Variants in CCT3 observed in about 807,000 individuals in gnomAD.
CCT3 encodes chaperonin containing TCP1 subunit 3.
CCT3 carries 10 observed loss-of-function variants against 65.3 expected under a neutral mutation model. The ratio of observed to expected loss-of-function variants is 0.15; its 90% confidence interval spans 0.09 to 0.26. The LOEUF is 0.26. Among genes scored for constraint, CCT3 ranks in the 10% least tolerant of loss-of-function variants. The pLI is 1.00. For missense variants in CCT3, 626 were observed against 708.7 expected (o/e 0.88, Z 1.33); for synonymous variants, 225 against 242.3 (o/e 0.93, Z 0.66).
chr1:156,336,331 G>C (rs959620803), intron 1 of CCT3, among the ~76,000 whole-genome samples: 4 of 91,120 alleles, frequency 4.4e-5, no homozygotes, highest in Non-Finnish European at 1.2e-4. Flanking sequence ...GATTCTCAAA[G>C]GGCTGGTGAC....
Position 156,309,071 on chromosome 1 carries a change from A to G in CCT3, c.*128T>C. The G allele has an allele frequency of 1.5e-6, 1 of 664,040 alleles. No individual in the cohort carries two copies. The highest frequency in any genetic ancestry group is 2.5e-5 in the East Asian group (1 of 39,602). 41.1% of individuals were successfully genotyped at this position (664,040 alleles called of 1,614,324 possible). Reference sequence around the variant, plus strand: ...TTTGGAAAACTGAGCTGGGACAGAAAGGGACTGGGGGCTGCCCCCCAACCT... The same window carrying G: ...TTTGGAAAACTGAGCTGGGACAGAAGGGGACTGGGGGCTGCCCCCCAACCT... On this transcript the variant is annotated 3_prime_UTR_variant, in exon 14 of 14. Coordinates refer to ENST00000295688, the MANE Select transcript of CCT3 (RefSeq NM_005998.5).
At chr1:156,317,329 C>G (rs537075161) in intron 9 of CCT3, 82 bp from the exon 10 acceptor site, 11 of 1,592,664 alleles carry the variant, frequency 6.9e-6, no homozygotes, top group Non-Finnish European at 7.7e-6. Flanking sequence ...GACACTATTA[C>G]GCCCCTGCCA....
At chr1:156,330,591 G>A (rs1274945816) in intron 5 of CCT3, among the ~76,000 whole-genome samples, 2 of 152,182 alleles carry the variant, frequency 1.3e-5, no homozygotes, top group Admixed American at 6.5e-5. Context: ...GAGCCCAGGA[G>A]GCAGAGGTTG....
At chr1:156,332,811 T>C (rs1665159879) in intron 5 of CCT3, 1 of 152,224 alleles carries the variant, frequency 6.6e-6, no homozygotes, top group Non-Finnish European at 1.5e-5. Context: ...TGTCCAGGCA[T>C]GAGTTATATT....
chr1:156,312,017 G>A (rs747499885), intron 11 of CCT3, 24 bp downstream of exon 11: 1 of 1,585,540 alleles, frequency 6.3e-7, no homozygotes, highest in Admixed American at 1.8e-5. Flanking sequence ...ACTTCATCTG[G>A]TCATACATCC....
rs546373020 is a variant in CCT3, at chr1:156,328,387, T to C, written c.305-3298A>G. On this transcript the variant is annotated intron_variant, in intron 5 of 13. Coordinates refer to ENST00000295688, the MANE Select transcript of CCT3 (RefSeq NM_005998.5). ...ACAGCTCATTGAGAACGGGCCATGA[T>C]GACAATGGCGGTTTTGTGGAATAGA... is the stretch of plus-strand genomic sequence containing the variant. 5.3e-3 allele frequency among the ~76,000 whole-genome samples: 809 copies of C among 152,174 alleles called. 20 individuals carry two copies. Among genetic ancestry groups the C allele is most frequent in the Admixed American group, 0.047 (723 of 15,260 alleles).
At chr1:156,335,995 C>G in intron 1 of CCT3, 107 bp from the exon 2 acceptor site, 1 of 814,946 alleles carries the variant, frequency 1.2e-6, no homozygotes, top group Admixed American at 2.2e-5. Context: ...CATGGTATAT[C>G]CACAGAGCAA....
intron 5 of CCT3, among the ~76,000 whole-genome samples, chr1:156,326,070 C>T (rs1437463889): frequency 6.6e-6 from 1 of 152,142 alleles, no homozygotes; most frequent in Non-Finnish European, 1.5e-5. Context: ...CGGTAGCTCA[C>T]ACCTGTAATC....
intron 10 of CCT3, among the ~76,000 whole-genome samples, chr1:156,313,320 C>G (rs1474071345): frequency 8.8e-5 from 10 of 113,050 alleles, no homozygotes. Flanking sequence ...GCCTGGGTGA[C>G]AGAGTAAGAT....
At position 156,338,171 on chromosome 1, in the gene CCT3, C is replaced by A. The variant is rs372914739; in HGVS notation, c.14G>T (p.Arg5Leu). Reference protein sequence around the residue: MMGHRPVLVLSQNTK... With the variant: MMGHLPVLVLSQNTK... ...GAACTCACTGAGCACGAGCACTGGA[C>A]GATGGCCCATCATGGCGACGCGATG... Residue 5 changes from arginine to leucine, a missense_variant, in exon 1 of 14, where the codon CGT becomes CTT. Transcript: ENST00000295688. 1.3e-6 allele frequency: 2 copies of A among 1,589,198 alleles called. No homozygotes were observed. Among genetic ancestry groups the A allele is most frequent in the Admixed American group, 3.7e-5 (2 of 54,008 alleles).
intron 10 of CCT3, among the ~76,000 whole-genome samples, chr1:156,316,467 T>G (rs1204046177): frequency 3.9e-5 from 6 of 152,242 alleles, no homozygotes; most frequent in Non-Finnish European, 7.3e-5. Context: ...ACTATGTGTA[T>G]GCATGTTAAT....
Position 156,331,795 on chromosome 1 carries a change from A to T in CCT3, c.304+1752T>A, listed in dbSNP as rs374642082. 1.7e-3 allele frequency among the ~76,000 whole-genome samples: 264 copies of T among 152,226 alleles called. 1 individual carries two copies. Among genetic ancestry groups the T allele is most frequent in the African/African-American group, 6.1e-3 (254 of 41,564 alleles). ...ACACCTATTATCCCAGCACTTTGGGAGGCAGAGGCGGGCAGATCACCTGAG... is the reference window on the plus strand; with the variant it reads ...ACACCTATTATCCCAGCACTTTGGGTGGCAGAGGCGGGCAGATCACCTGAG... On this transcript the variant is annotated intron_variant, in intron 5 of 13. Transcript: ENST00000295688.
intron 5 of CCT3, among the ~76,000 whole-genome samples, chr1:156,331,832 G>A (rs904635616): frequency 9.9e-5 from 15 of 151,838 alleles, no homozygotes; most frequent in Admixed American, 1.3e-4. Flanking sequence ...TCGGGAGTTC[G>A]ACACCAGCCT....
chr1:156,335,951 T>A, intron 1 of CCT3, 63 bp from the exon 2 acceptor site: 1 of 1,294,226 alleles, frequency 7.7e-7, no homozygotes, highest in South Asian at 1.2e-5. Context: ...AAGCTATTTA[T>A]TTCCCCGTCT....
chr1:156,312,866 GA>G (rs1664142373), intron 10 of CCT3, among the ~76,000 whole-genome samples: 1 of 152,162 alleles, frequency 6.6e-6, no homozygotes, highest in African/African-American at 2.4e-5. Flanking sequence ...GAAAAAATGT[GA>G]AATCATTATG....
chr1:156,334,409 G>A (rs1003721164), intron 4 of CCT3, among the ~76,000 whole-genome samples: 19 of 152,152 alleles, frequency 1.2e-4, no homozygotes, highest in Admixed American at 1.2e-3. Flanking sequence ...AGACACACAA[G>A]GGGAATAACA....
chr1:156,323,744 C>T (rs967117616), intron 6 of CCT3, among the ~76,000 whole-genome samples: 2 of 150,454 alleles, frequency 1.3e-5, no homozygotes, highest in Non-Finnish European at 3.0e-5. Context: ...GGATTACAGA[C>T]GTGAGCCACC....
rs1186506712 is a variant in CCT3, at chr1:156,310,960, G to A, written c.1391C>T (p.Thr464Ile). ...TGGAGAGGAACTCACCCGAAGGGAG[G>A]TAAGTAGACGGATGGTGCTGGCCCC... is the stretch of plus-strand genomic sequence containing the variant. ...NCGASTIRLLTSLRAKHTQEN... is the reference protein window; with the variant it reads ...NCGASTIRLLISLRAKHTQEN... Residue 464 changes from threonine (T) to isoleucine (I), a missense_variant, in exon 12 of 14, where the codon ACC becomes ATC. Coordinates refer to ENST00000295688, the MANE Select transcript of CCT3 (RefSeq NM_005998.5). 1.2e-6 allele frequency: 2 copies of A among 1,614,032 alleles called. No homozygotes were observed. Among genetic ancestry groups the A allele is most frequent in the Admixed American group, 1.7e-5 (1 of 59,996 alleles).
intron 13 of CCT3, 55 bp downstream of exon 13, chr1:156,310,503 T>C (rs955819038): frequency 4.1e-5 from 54 of 1,319,724 alleles, no homozygotes; most frequent in African/African-American, 1.6e-4. Flanking sequence ...AATAAATAAA[T>C]AGATAAATAA....
Sources: gnomAD v4.1 joint callset for allele counts (sites outside exome capture counted in the v4.1 genomes callset) on GRCh38, gnomAD v4.1.1 for gene constraint, MANE v1.5 for transcripts, NCBI Gene and HGNC (gene_info 2026-07-23, HGNC 2026-07-21) for gene names.